Variants in PPP2R3A observed in about 807,000 individuals in gnomAD.
PPP2R3A encodes protein phosphatase 2 regulatory subunit B''alpha.
PPP2R3A carries 80 observed loss-of-function variants against 106.9 expected under a neutral mutation model. That is an observed-to-expected ratio of 0.75 (90% confidence interval 0.62 to 0.90). The LOEUF (loss-of-function observed/expected upper bound fraction) is 0.90, where lower values mean the gene tolerates loss of function less well. Ranked by LOEUF, PPP2R3A falls within the 40% of genes least tolerant of loss-of-function variation. The pLI is 0.00. For synonymous variants in PPP2R3A, 483 were observed against 468.3 expected (o/e 1.03, Z -0.41); for missense variants, 1,386 against 1,350.4 (o/e 1.03, Z -0.41).
chr3:136,123,278 CAG>C (rs1296434266), intron 13 of PPP2R3A, among the ~76,000 whole-genome samples: 1 of 152,090 alleles, frequency 6.6e-6, no homozygotes, highest in South Asian at 2.1e-4. Context: ...CACGTCAAAA[CAG>C]AAAAATTATG....
rs151177428 is a variant in PPP2R3A, at chr3:136,091,307, C to T, written c.2927+640C>T. Among the ~76,000 whole-genome samples the T allele has an allele frequency of 2.8e-4, 43 of 152,184 alleles. No individual in the cohort carries two copies. In the East Asian group the frequency reaches 8.3e-3, roughly 29 times the overall value. On this transcript the variant is annotated intron_variant, in intron 10 of 13. Transcript: ENST00000264977. ...TAACTCAACTATCTTAATATTGATT[C>T]GAAAAGTTATCTAAATGTTGTATAT...
chr3:136,124,698 A>G (rs990229162), intron 13 of PPP2R3A, among the ~76,000 whole-genome samples: 7 of 152,168 alleles, frequency 4.6e-5, no homozygotes, highest in South Asian at 2.1e-4. Flanking sequence ...ATAAAATTAT[A>G]ATTAATTAAA....
chr3:136,090,534 T>C, intron 9 of PPP2R3A, 44 bp from the exon 10 acceptor site: 1 of 1,486,240 alleles, frequency 6.7e-7, no homozygotes, highest in Non-Finnish European at 9.4e-7. Context: ...TAAATGGTTC[T>C]GAGTAATTGC....
intron 13 of PPP2R3A, among the ~76,000 whole-genome samples, chr3:136,136,045 CA>C (rs34558229): frequency 1.7e-3 from 39 of 22,384 alleles, no homozygotes; most frequent in African/African-American, 6.2e-3. Context: ...GACTCCGTCT[CA>C]AAAAAAAAAA....
intron 3 of PPP2R3A, among the ~76,000 whole-genome samples, chr3:136,040,278 G>A (rs112997059): frequency 0.01 from 1,568 of 152,266 alleles, 25 homozygotes; most frequent in African/African-American, 0.037. Flanking sequence ...AATGGCTCAC[G>A]CCTGTAATCC....
chr3:135,994,114 A>G (rs1382005362), intron 1 of PPP2R3A, among the ~76,000 whole-genome samples: 2 of 152,248 alleles, frequency 1.3e-5, no homozygotes, highest in African/African-American at 4.8e-5. Context: ...GAAGCTCTAA[A>G]AAGCTGAAGG....
intron 12 of PPP2R3A, among the ~76,000 whole-genome samples, chr3:136,105,541 C>CA (rs1369781685): frequency 6.6e-6 from 1 of 152,180 alleles, no homozygotes; most frequent in Non-Finnish European, 1.5e-5. Flanking sequence ...CCTGTAGTCT[C>CA]AGCTACTCAG....
At chr3:136,017,734 GA>G (rs1307970969) in intron 2 of PPP2R3A, among the ~76,000 whole-genome samples, 1 of 152,200 alleles carries the variant, frequency 6.6e-6, no homozygotes, top group Non-Finnish European at 1.5e-5. Flanking sequence ...ACTTCAGAGT[GA>G]CTATGCTATC....
chr3:136,117,792 G>T (rs1388958336), intron 13 of PPP2R3A, among the ~76,000 whole-genome samples: 1 of 152,114 alleles, frequency 6.6e-6, no homozygotes, highest in East Asian at 1.9e-4. Context: ...AATTCTACCA[G>T]AGGTACAAAG....
chr3:136,113,208 A>AC (rs34942352), intron 13 of PPP2R3A, among the ~76,000 whole-genome samples: 152,241 of 152,276 alleles, frequency 1, 76,103 homozygotes, highest in Middle Eastern at 1. Context: ...ACACTACCCA[A>AC]TTCAAACTAT....
intron 1 of PPP2R3A, among the ~76,000 whole-genome samples, chr3:135,989,683 G>A (rs146648135): frequency 2.0e-5 from 3 of 152,146 alleles, no homozygotes; most frequent in African/African-American, 7.2e-5. Flanking sequence ...TTTGCTTGTT[G>A]CTTGCTTCCT....
At chr3:136,117,037 T>G (rs1355140617) in intron 13 of PPP2R3A, among the ~76,000 whole-genome samples, 1 of 152,062 alleles carries the variant, frequency 6.6e-6, no homozygotes, top group African/African-American at 2.4e-5. Context: ...CAACAAACTA[T>G]CTCTCAGACC....
At chr3:136,123,749 A>G (rs1267931944) in intron 13 of PPP2R3A, among the ~76,000 whole-genome samples, 3 of 152,220 alleles carry the variant, frequency 2.0e-5, no homozygotes, top group Non-Finnish European at 4.4e-5. Flanking sequence ...CACAAAATAC[A>G]TTAAATAAAA....
Position 136,102,046 on chromosome 3 carries a change from C to T in PPP2R3A, c.2967C>T (p.Asp989=), listed in dbSNP as rs368899395. The T allele has an allele frequency of 3.8e-5, 62 of 1,613,820 alleles. No homozygotes were observed. Among genetic ancestry groups the T allele is most frequent in the African/African-American group, 1.6e-4 (12 of 75,000 alleles). The stretch of plus-strand genomic sequence containing the variant: ...TCCGCTGCATGGATGTGGATGGAGA[C>T]GGTGTACTCTCCATGTATGAGCTGG... ...YWFRCMDVDG[D]GVLSMYELEY... is the part of the protein sequence containing the mutation. Residue 989 remains aspartate, a synonymous_variant, in exon 11 of 14, where the codon GAC becomes GAT. Transcript: ENST00000264977.
rs138158437 is a variant in PPP2R3A, at chr3:136,143,035, G to A, written c.3330-2008G>A. On this transcript the variant is annotated intron_variant, in intron 13 of 13. Transcript: ENST00000264977. Reference sequence around the variant, plus strand: ...ATCCCATGCCGCATTGAGGCCTCAAGGAGATGGGGGAAGAGGAGTGGAAAC... The same window carrying A: ...ATCCCATGCCGCATTGAGGCCTCAAAGAGATGGGGGAAGAGGAGTGGAAAC... Among the ~76,000 whole-genome samples the A allele has an allele frequency of 1.4e-3, 212 of 152,308 alleles. 3 individuals are homozygous for A. Among genetic ancestry groups the A allele is most frequent in the African/African-American group, 4.5e-3 (186 of 41,562 alleles).
rs1012671650 is a variant in PPP2R3A at position 136,001,262 on chromosome 3, A to T, written c.-237A>T. The T allele has an allele frequency of 3.1e-4, 150 of 476,982 alleles. No individual in the cohort carries two copies. The highest frequency in any genetic ancestry group is 4.8e-4 in the Non-Finnish European group (131 of 273,752). The allele number at this position is 476,982 out of a possible 1,614,324, so 29.5% of individuals were successfully genotyped here. Reference sequence around the variant, plus strand: ...TATCATAATATTACTAAATAAAATTAAAAAGCACAATTATTAAATTATTAA... The same window carrying T: ...TATCATAATATTACTAAATAAAATTTAAAAGCACAATTATTAAATTATTAA... On this transcript the variant is annotated 5_prime_UTR_variant, in exon 2 of 14. Transcript: ENST00000264977.
At chr3:136,086,400 T>G (rs1936930040) in intron 8 of PPP2R3A, among the ~76,000 whole-genome samples, 1 of 151,966 alleles carries the variant, frequency 6.6e-6, no homozygotes, top group South Asian at 2.1e-4. Flanking sequence ...GAGAACCGCT[T>G]GAACCCAGGA....
intron 4 of PPP2R3A, among the ~76,000 whole-genome samples, chr3:136,044,570 C>CA (rs1247139572): frequency 0.047 from 3,545 of 75,426 alleles, 285 homozygotes; most frequent in African/African-American, 0.17. Context: ...GACCCTGTCT[C>CA]AAAAAAAAAA....
chr3:136,076,507 A>G (rs556208087), intron 6 of PPP2R3A, among the ~76,000 whole-genome samples: 2 of 152,344 alleles, frequency 1.3e-5, no homozygotes, highest in East Asian at 3.9e-4. Context: ...GTTGACATTC[A>G]TCTGCTATGC....
Sources: gnomAD v4.1 joint callset for allele counts (sites outside exome capture counted in the v4.1 genomes callset) on GRCh38, gnomAD v4.1.1 for gene constraint, MANE v1.5 for transcripts, NCBI Gene and HGNC (gene_info 2026-07-23, HGNC 2026-07-21) for gene names.